Variants in ANAPC2 observed in about 807,000 individuals in gnomAD.
The protein encoded by ANAPC2 is anaphase promoting complex subunit 2.
ANAPC2 carries 29 observed loss-of-function variants against 84.3 expected under a neutral mutation model. The observed-to-expected ratio is 0.34, with a 90% CI of 0.26 to 0.47. The LOEUF (loss-of-function observed/expected upper bound fraction) is 0.47. ANAPC2 is among the 20% of genes least tolerant of loss of function. The pLI is 1.00. For synonymous variants in ANAPC2, 571 were observed against 479.4 expected (o/e 1.19, Z -2.50); for missense variants, 857 against 1,131.7 (o/e 0.76, Z 3.48).
At chr9:137,182,414 C>A (rs560906863) in intron 6 of ANAPC2, among the ~76,000 whole-genome samples, 4 of 151,940 alleles carry the variant, frequency 2.6e-5, no homozygotes, top group Admixed American at 2.6e-4. Context: ...GAGGCTGAGG[C>A]AGGAGAATGG....
chr9:137,183,100 C>T (rs1331717429), intron 6 of ANAPC2, 25 bp downstream of exon 6: 1 of 1,579,076 alleles, frequency 6.3e-7, no homozygotes, highest in East Asian at 2.2e-5. Flanking sequence ...GTCCCAGTGG[C>T]TCCTGGGCCA....
intron 10 of ANAPC2, 124 bp downstream of exon 10, chr9:137,180,057 A>G: frequency 1.8e-6 from 2 of 1,117,606 alleles, no homozygotes; most frequent in Non-Finnish European, 2.5e-6. Context: ...GGCGGCTGCG[A>G]GACAGGACCA....
chr9:137,185,500 C>T (rs539108874), intron 3 of ANAPC2, among the ~76,000 whole-genome samples: 90 of 152,204 alleles, frequency 5.9e-4, no homozygotes, highest in Non-Finnish European at 1.1e-3. Context: ...GGGGCCCAGG[C>T]GTGCTCATGC....
chr9:137,176,992 G>C (rs1304402544), intron 10 of ANAPC2: 2 of 152,252 alleles, frequency 1.3e-5, no homozygotes, highest in Non-Finnish European at 2.9e-5. Context: ...CGTGGCCAAG[G>C]GTGTGGCTGG....
At chr9:137,181,076 G>T in intron 7 of ANAPC2, 147 bp from the exon 8 acceptor site, 3 of 1,026,022 alleles carry the variant, frequency 2.9e-6, no homozygotes, top group Middle Eastern at 3.2e-4. Context: ...TGAGCCTCCC[G>T]GGAGACCTGG....
chr9:137,180,442 T>C lies in ANAPC2; in HGVS notation c.1686+10A>G. On this transcript the variant is annotated intron_variant, in intron 9 of 12. Transcript: ENST00000323927. ...GGGGCGGCCGGGCAGCGGGCGGGGC[T>C]GGGACCCACCTTCAGCATGACTTCA... 6.2e-7 allele frequency: 1 copy of C among 1,612,858 alleles called. No individual in the cohort carries two copies. Among genetic ancestry groups the C allele is most frequent in the Non-Finnish European group, 8.5e-7 (1 of 1,179,916 alleles).
Position 137,175,416 on chromosome 9 carries a change from G to T in ANAPC2, c.2077C>A (p.Arg693=). 6.2e-7 allele frequency: 1 copy of T among 1,605,942 alleles called. No homozygotes were observed. The highest frequency in any genetic ancestry group is 8.5e-7 in the Non-Finnish European group (1 of 1,177,142). ...TGCAGCCACACGGACATCCGCCGCC[G>T]CAGCAGCGCCACGGGCATCTTCACC... ...KAVKMPVALL[R]RRMSVWLQQG... is the part of the protein sequence containing the mutation. The change falls in exon 12 of 13, where the codon CGG becomes AGG. Residue 693 remains arginine (R), a synonymous_variant. Transcript: ENST00000323927.
In ANAPC2 at chr9:137,181,866, C is replaced by A; in HGVS notation, c.1287-4G>T. The A allele has an allele frequency of 6.3e-7, 1 of 1,599,678 alleles. No homozygotes were observed. Among genetic ancestry groups the A allele is most frequent in the Non-Finnish European group, 8.5e-7 (1 of 1,177,428 alleles). The stretch of plus-strand genomic sequence containing the variant: ...CCGCACTGTGTCCTCCCGCGTCCTG[C>A]CGATGTGAGTGCTGCTGTGGCCCAC... On this transcript the variant is annotated splice_polypyrimidine_tract_variant and splice_region_variant and intron_variant, in intron 6 of 12. Transcript: ENST00000323927.
chr9:137,188,555 T>C lies in ANAPC2; in HGVS notation c.-23A>G. 2 of 1,595,882 alleles carry C rather than the reference T, an allele frequency of 1.3e-6. No homozygotes were observed. Among genetic ancestry groups the C allele is most frequent in the African/African-American group, 2.7e-5 (2 of 74,336 alleles). On this transcript the variant is annotated 5_prime_UTR_variant, in exon 1 of 13. Transcript: ENST00000323927. The stretch of plus-strand genomic sequence containing the variant: ...CATCTGCACCCACCGACTCCGAGAT[T>C]CGCTCGGCGCGGCGCGCGGCGATGA...
chr9:137,183,285 C>A, intron 5 of ANAPC2, 43 bp from the exon 6 acceptor site: 1 of 1,506,634 alleles, frequency 6.6e-7, no homozygotes, highest in Non-Finnish European at 9.2e-7. Flanking sequence ...GTGCCCGGGA[C>A]CACAGCCTCC....
At chr9:137,185,984 T>C (rs1834458144) in intron 3 of ANAPC2, among the ~76,000 whole-genome samples, 1 of 152,176 alleles carries the variant, frequency 6.6e-6, no homozygotes, top group Admixed American at 6.5e-5. Flanking sequence ...CCTGGCCCGA[T>C]ACCGCCTGCA....
intron 10 of ANAPC2, among the ~76,000 whole-genome samples, chr9:137,179,224 G>A (rs983821588): frequency 1.3e-5 from 2 of 152,084 alleles, no homozygotes; most frequent in Admixed American, 1.3e-4. Context: ...CATGTCCCCC[G>A]CTGGGGTGCC....
Position 137,180,398 on chromosome 9 carries a change from G to A in ANAPC2, c.1687-14C>T, listed in dbSNP as rs746457748. The A allele has an allele frequency of 3.0e-5, 49 of 1,612,422 alleles. No homozygotes were observed. The highest frequency in any genetic ancestry group is 1.5e-4 in the African/African-American group (11 of 74,954). On this transcript the variant is annotated splice_polypyrimidine_tract_variant and intron_variant, in intron 9 of 12. Coordinates refer to ENST00000323927, the MANE Select transcript of ANAPC2 (RefSeq NM_013366.4). ...GTCCGCCATGTCCTGAGGAGGAGCC[G>A]GTGTCACGGGGGACCTGCGGGGCGG...
intron 10 of ANAPC2, among the ~76,000 whole-genome samples, chr9:137,178,707 G>A (rs934262110): frequency 3.3e-5 from 5 of 152,048 alleles, no homozygotes; most frequent in Admixed American, 6.5e-5. Context: ...GAGAGCAGGT[G>A]CAAGCCACAC....
At chr9:137,176,784 GTGCGAAGTGGGACC>G (rs1834228952) in intron 10 of ANAPC2, 1 of 152,284 alleles carries the variant, frequency 6.6e-6, no homozygotes, top group Non-Finnish European at 1.5e-5. Context: ...CTGCTGTTGG[GTGCGAAGTGGGACC>G]TGCAGCTGAT....
At chr9:137,183,934 T>C (rs1390429736) in intron 4 of ANAPC2, 143 bp from the exon 5 acceptor site, 3 of 1,115,856 alleles carry the variant, frequency 2.7e-6, no homozygotes, top group Non-Finnish European at 2.5e-6. Flanking sequence ...GCACCAGACA[T>C]CCCCCCGACA....
In ANAPC2 at chr9:137,180,909, G is replaced by A. The variant is rs1362498862; in HGVS notation, c.1489C>T (p.Arg497Cys). The A allele has an allele frequency of 6.2e-7, 1 of 1,613,370 alleles. No homozygotes were observed. The highest frequency in any genetic ancestry group is 1.3e-5 in the African/African-American group (1 of 75,058). The change falls in exon 8 of 13, where the codon CGT (arginine) becomes TGT (cysteine). Residue 497 changes from arginine to cysteine, a missense_variant. Physicochemically the swap from Arg to Cys is radical, Grantham distance 180 (BLOSUM62 -3). Transcript: ENST00000323927. Reference sequence around the variant, plus strand: ...AGCAGGCTGATGATGTCCGATGAACGCCGCTTGGAGCTCGACTTCCCTGGC... The same window carrying A: ...AGCAGGCTGATGATGTCCGATGAACACCGCTTGGAGCTCGACTTCCCTGGC... ...ADPGKSSSKRRSSDIISLLVS... is the reference protein window; with the variant it reads ...ADPGKSSSKRCSSDIISLLVS...
rs573662906 is a variant in ANAPC2 at position 137,186,064 on chromosome 9, G to A, written c.873+160C>T. ...TCCTCGCTATCACCAGGGCCCAGAA[G>A]TACTGGTCTCTACCCCACATCAAGA... On this transcript the variant is annotated intron_variant, in intron 3 of 12. Coordinates refer to ENST00000323927, the MANE Select transcript of ANAPC2 (RefSeq NM_013366.4). Among the ~76,000 whole-genome samples the A allele has an allele frequency of 3.6e-3, 552 of 152,260 alleles. 2 individuals are homozygous for A. Among genetic ancestry groups the A allele is most frequent in the Non-Finnish European group, 6.1e-3 (418 of 67,986 alleles).
intron 3 of ANAPC2, 30 bp downstream of exon 3, chr9:137,186,194 C>A (rs985789024): frequency 6.2e-7 from 1 of 1,606,828 alleles, no homozygotes; most frequent in Non-Finnish European, 8.5e-7. Context: ...CTGTCTCCAG[C>A]GGGGCACAGC....
Sources: gnomAD v4.1 joint callset for allele counts (sites outside exome capture counted in the v4.1 genomes callset) on GRCh38, gnomAD v4.1.1 for gene constraint, MANE v1.5 for transcripts, NCBI Gene and HGNC (gene_info 2026-07-23, HGNC 2026-07-21) for gene names.